Variants in CWC22 observed in about 807,000 individuals in gnomAD.
CWC22 encodes the protein pre-mRNA-splicing factor CWC22 homolog.
CWC22 carries 53 observed loss-of-function variants against 117.2 expected under a neutral mutation model. That is an observed-to-expected ratio of 0.45 (90% CI 0.36 to 0.57). The LOEUF is 0.57. Among genes scored for constraint, CWC22 ranks in the 20% least tolerant of loss-of-function variants. The pLI is 0.00. For missense variants in CWC22, 980 were observed against 1,068.8 expected, an observed-to-expected ratio of 0.92 and a Z score of 1.16; for synonymous variants, 360 against 355.6, an observed-to-expected ratio of 1.01 and a Z score of -0.14.
chr2:179,989,450 G>A (rs1412717685), intron 2 of CWC22, among the ~76,000 whole-genome samples: 1 of 151,882 alleles, frequency 6.6e-6, no homozygotes, highest in African/African-American at 2.4e-5. Flanking sequence ...TAAAATAGCT[G>A]GAAGAAACTG....
rs1687439231 is a variant in CWC22, at chr2:179,987,158, T to G, written c.96-353A>C. Among the ~76,000 whole-genome samples the G allele has an allele frequency of 2.0e-5, 3 of 152,334 alleles. No individual in the cohort carries two copies. In the South Asian group the frequency reaches 6.2e-4, roughly 32 times the overall value. On this transcript the variant is annotated intron_variant, in intron 3 of 19. Coordinates refer to ENST00000410053, the MANE Select transcript of CWC22 (RefSeq NM_020943.3). ...TCCTTTTGCTTAGTTGGCTTGTTTA[T>G]CAAAACACTGAATGTATGAGACCAA...
chr2:179,968,210 T>C (rs1686941232), intron 11 of CWC22, among the ~76,000 whole-genome samples: 1 of 152,208 alleles, frequency 6.6e-6, no homozygotes, highest in African/African-American at 2.4e-5. Flanking sequence ...AAAAGATTTA[T>C]TTAAAGTGAC....
chr2:179,973,558 C>A, intron 7 of CWC22, 76 bp downstream of exon 7: 2 of 938,000 alleles, frequency 2.1e-6, no homozygotes, highest in Non-Finnish European at 1.6e-6. Flanking sequence ...CAAAATCAAC[C>A]TTGCTTACTT....
At chr2:179,958,609 G>T (rs1340201242) in intron 14 of CWC22, among the ~76,000 whole-genome samples, 1 of 150,924 alleles carries the variant, frequency 6.6e-6, no homozygotes, top group East Asian at 1.9e-4. Flanking sequence ...TTTTATGTGT[G>T]GCCCAAGACA....
chr2:179,988,585 TG>T lies in CWC22; in HGVS notation c.86del (p.Pro29GlnfsTer75). 6.7e-7 allele frequency: 1 copy of T among 1,498,864 alleles called. No homozygotes were observed. The highest frequency in any genetic ancestry group is 9.1e-7 in the Non-Finnish European group (1 of 1,101,604). The allele number at this position is 1,498,864 out of a possible 1,614,324, so 92.8% of individuals were successfully genotyped here. On this transcript the variant is annotated frameshift_variant, in exon 3 of 20. Coordinates refer to ENST00000410053, the MANE Select transcript of CWC22 (RefSeq NM_020943.3). LOFTEE classifies it high-confidence loss of function. Reference protein sequence around the residue: ...NLNSYQRNSSPEDRYEEQERS... With the variant: ...NLNSYQRNSSXEDRYEEQERS... ...CATATTAAACTATTTACCTGTCTTC[TG>T]GAGAGGAGTTCCTCTGATATGAATT... is the stretch of plus-strand genomic sequence containing the variant.
At chr2:179,970,461 T>C (rs1687003476) in intron 11 of CWC22, 40 bp downstream of exon 11, 1 of 1,459,822 alleles carries the variant, frequency 6.9e-7, no homozygotes. Context: ...AAATTGCTTC[T>C]ACTTATCCAA....
chr2:179,955,808 T>C (rs1169926338), intron 14 of CWC22, among the ~76,000 whole-genome samples: 1 of 151,970 alleles, frequency 6.6e-6, no homozygotes, highest in Admixed American at 6.6e-5. Context: ...AATTAATATA[T>C]TAATTCCTGA....
intron 3 of CWC22, among the ~76,000 whole-genome samples, chr2:179,987,624 T>C (rs1687453038): frequency 1.3e-5 from 2 of 152,116 alleles, no homozygotes; most frequent in Admixed American, 1.3e-4. Flanking sequence ...CAGAGTAGAA[T>C]AAGAAAGTAC....
chr2:179,950,756 G>A, intron 18 of CWC22, 24 bp from the exon 19 acceptor site: 1 of 1,605,522 alleles, frequency 6.2e-7, no homozygotes, highest in Non-Finnish European at 8.5e-7. Flanking sequence ...TAATCTGTTA[G>A]ATTCTATTTC....
At chr2:179,953,691 T>C (rs150247567) in intron 16 of CWC22, among the ~76,000 whole-genome samples, 1 of 152,248 alleles carries the variant, frequency 6.6e-6, no homozygotes, top group African/African-American at 2.4e-5. Flanking sequence ...CAAGAATATA[T>C]CTTTCTTTGT....
intron 13 of CWC22, among the ~76,000 whole-genome samples, chr2:179,960,644 A>T (rs1299446176): frequency 2.0e-5 from 3 of 151,992 alleles, no homozygotes; most frequent in Non-Finnish European, 2.9e-5. Flanking sequence ...ATTTTTATAG[A>T]TGAGAAAAAT....
At chr2:179,953,469 A>T (rs1686506427) in intron 16 of CWC22, among the ~76,000 whole-genome samples, 1 of 151,856 alleles carries the variant, frequency 6.6e-6, no homozygotes, top group Admixed American at 6.6e-5. Flanking sequence ...TTTATTTTGT[A>T]TCATTGCTAT....
At chr2:179,980,542 C>T (rs1394649905) in intron 5 of CWC22, among the ~76,000 whole-genome samples, 9 of 151,662 alleles carry the variant, frequency 5.9e-5, no homozygotes, top group East Asian at 3.9e-4. Flanking sequence ...CTCAGCCTCC[C>T]GAGTAGCTGG....
intron 14 of CWC22, among the ~76,000 whole-genome samples, chr2:179,956,244 G>A (rs1268193861): frequency 6.6e-6 from 1 of 151,908 alleles, no homozygotes; most frequent in Non-Finnish European, 1.5e-5. Context: ...CCTTGGAGAA[G>A]CACAGAACAG....
At chr2:179,946,924 C>A (rs1686321503) in intron 19 of CWC22, among the ~76,000 whole-genome samples, 1 of 152,120 alleles carries the variant, frequency 6.6e-6, no homozygotes, top group African/African-American at 2.4e-5. Context: ...GGCTTAGTTT[C>A]TGTAGAAACT....
Position 179,950,835 on chromosome 2 carries a change from C to T in CWC22, c.1909G>A (p.Gly637Arg). 6.2e-7 allele frequency: 1 copy of T among 1,601,754 alleles called. No individual in the cohort carries two copies. Among genetic ancestry groups the T allele is most frequent in the Non-Finnish European group, 8.5e-7 (1 of 1,172,356 alleles). ...AINFFTSIGL[G>R]GLTDELREHL... ...GAGAATAATCCTTACGTTAAACCTCCAAGACCTATAGAAGTAAAGAAGTTG... is the reference window on the plus strand; with the variant it reads ...GAGAATAATCCTTACGTTAAACCTCTAAGACCTATAGAAGTAAAGAAGTTG... The change falls in exon 18 of 20, where the codon GGA becomes AGA. Residue 637 changes from glycine (G) to arginine (R), a missense_variant. Gly to Arg is a moderately radical substitution (Grantham distance 125). Transcript: ENST00000410053.
chr2:179,950,431 C>G (rs1686415089), intron 19 of CWC22, 81 bp downstream of exon 19: 5 of 848,438 alleles, frequency 5.9e-6, no homozygotes, highest in Non-Finnish European at 9.1e-6. Context: ...AATAAACAAT[C>G]AAATTATTTT....
chr2:179,964,479 A>G (rs1219283974), intron 13 of CWC22, 68 bp downstream of exon 13: 1 of 781,196 alleles, frequency 1.3e-6, no homozygotes, highest in African/African-American at 1.8e-5. Context: ...CCTAAAATGT[A>G]TCCCTGATCT....
Position 179,988,462 on chromosome 2 carries a change from T to TA in CWC22, c.95+114dup, listed in dbSNP as rs1489309968. The TA allele has an allele frequency of 4.9e-6, 3 of 616,940 alleles. No homozygotes were observed. In the East Asian group the frequency reaches 9.4e-5, roughly 19 times the overall value. 38.2% of individuals were successfully genotyped at this position (616,940 alleles called of 1,614,324 possible). A position where few individuals can be genotyped will look rare whatever the true frequency, so the allele number is the denominator to read the frequency against. Reference sequence around the variant, plus strand: ...CAGCCCATTCAAGTAATATTGGTTATAAAACCATTAAAAAGAAGTTATCCA... The same window carrying TA: ...CAGCCCATTCAAGTAATATTGGTTATAAAAACCATTAAAAAGAAGTTATCCA... On this transcript the variant is annotated intron_variant, in intron 3 of 19. Coordinates refer to ENST00000410053, the MANE Select transcript of CWC22 (RefSeq NM_020943.3).
Sources: gnomAD v4.1 joint callset for allele counts (sites outside exome capture counted in the v4.1 genomes callset) on GRCh38, gnomAD v4.1.1 for gene constraint, MANE v1.5 for transcripts, NCBI Gene and HGNC (gene_info 2026-07-23, HGNC 2026-07-21) for gene names.